The following WDPCP variants were observed in gnomAD, a reference collection of about 807,000 sequenced individuals.
The protein encoded by WDPCP is WD repeat-containing and planar cell polarity effector protein fritz homolog.
In WDPCP, 71 loss-of-function variants were observed where a neutral mutation model predicts 93.1. That is an observed-to-expected ratio of 0.76 (90% confidence interval 0.63 to 0.93). The LOEUF is 0.93. Among genes scored for constraint, WDPCP ranks in the 40% least tolerant of loss-of-function variants. The pLI, the probability that WDPCP is intolerant of heterozygous loss-of-function variation, is 0.00. For synonymous variants in WDPCP, 315 were observed against 315.0 expected (o/e 1.00, Z 0.00); for missense variants, 844 against 887.4 (o/e 0.95, Z 0.62).
At chr2:63,304,916 G>A (rs2103816226) in intron 13 of WDPCP, among the ~76,000 whole-genome samples, 1 of 152,162 alleles carries the variant, frequency 6.6e-6, no homozygotes, top group Admixed American at 6.5e-5. Flanking sequence ...GGGGAGAGCG[G>A]CATCCACCAT....
At chr2:63,226,398 C>A (rs1449095546) in intron 14 of WDPCP, among the ~76,000 whole-genome samples, 1 of 151,762 alleles carries the variant, frequency 6.6e-6, no homozygotes, top group Non-Finnish European at 1.5e-5. Flanking sequence ...TTCTATACAA[C>A]CTTAAAATAC....
chr2:63,378,421 G>T lies in WDPCP; in HGVS notation c.1713C>A (p.Ser571Arg). 6.2e-7 allele frequency: 1 copy of T among 1,613,170 alleles called. No homozygotes were observed. Among genetic ancestry groups the T allele is most frequent in the Non-Finnish European group, 8.5e-7 (1 of 1,179,436 alleles). The change falls in exon 12 of 18, where the codon AGC becomes AGA. Residue 571 changes from serine (S) to arginine (R), a missense_variant. Coordinates refer to ENST00000272321, the MANE Select transcript of WDPCP (RefSeq NM_015910.7). Reference sequence around the variant, plus strand: ...GATGGAAGAATCTCCTTGCATATTTGCTGATTTGATCTCTATATTCCAATA... The same window carrying T: ...GATGGAAGAATCTCCTTGCATATTTTCTGATTTGATCTCTATATTCCAATA... ...STILEYRDQI[S>R]KYARRFFHHL...
chr2:63,608,319 TATG>T (rs1709575584), intron 3 of WDPCP, among the ~76,000 whole-genome samples: 2 of 152,078 alleles, frequency 1.3e-5, no homozygotes, highest in Non-Finnish European at 2.9e-5. Flanking sequence ...AGCATAGTGT[TATG>T]ATGTTAGAAG....
chr2:63,275,001 C>T (rs955444229), intron 13 of WDPCP, among the ~76,000 whole-genome samples: 2 of 152,046 alleles, frequency 1.3e-5, no homozygotes, highest in African/African-American at 4.8e-5. Context: ...AAGAAAAAAA[C>T]CTATAGGCCA....
At chr2:63,495,565 A>G (rs1469825630) in intron 1 of WDPCP, among the ~76,000 whole-genome samples, 1 of 152,210 alleles carries the variant, frequency 6.6e-6, no homozygotes. Context: ...ATTTAGCTTA[A>G]TGTGTGCATT....
intron 13 of WDPCP, among the ~76,000 whole-genome samples, chr2:63,294,345 A>C (rs1228794456): frequency 6.6e-6 from 1 of 152,044 alleles, no homozygotes; most frequent in Non-Finnish European, 1.5e-5. Context: ...TCTACTAAAA[A>C]TACGCATACA....
chr2:63,753,050 A>T (rs1669907357), intron 2 of WDPCP, among the ~76,000 whole-genome samples: 1 of 152,054 alleles, frequency 6.6e-6, no homozygotes, highest in Admixed American at 6.6e-5. Context: ...TCTTTTTCAA[A>T]GTTTTGGACT....
intron 17 of WDPCP, among the ~76,000 whole-genome samples, chr2:63,138,860 CT>C (rs1314269568): frequency 6.6e-6 from 1 of 152,062 alleles, no homozygotes; most frequent in Non-Finnish European, 1.5e-5. Context: ...CCTTCCCACT[CT>C]TCCCCCCAAG....
intron 1 of WDPCP, among the ~76,000 whole-genome samples, chr2:63,813,949 T>C (rs1296058622): frequency 1.3e-5 from 2 of 152,248 alleles, no homozygotes; most frequent in East Asian, 1.9e-4. Flanking sequence ...ATCATAGATA[T>C]GTTTGCTGAT....
At chr2:63,670,838 G>T (rs1040399975) in intron 2 of WDPCP, among the ~76,000 whole-genome samples, 5 of 152,060 alleles carry the variant, frequency 3.3e-5, no homozygotes, top group African/African-American at 1.2e-4. Context: ...TTACCTTGGG[G>T]TAGTGGGAGC....
intron 1 of WDPCP, among the ~76,000 whole-genome samples, chr2:63,817,212 C>G (rs1670948702): frequency 6.6e-6 from 1 of 151,784 alleles, no homozygotes; most frequent in Non-Finnish European, 1.5e-5. Context: ...TAGGTTCAAG[C>G]AATTCTTCTG....
intron 2 of WDPCP, among the ~76,000 whole-genome samples, chr2:63,678,935 A>G (rs1469368734): frequency 6.6e-6 from 1 of 152,220 alleles, no homozygotes; most frequent in Admixed American, 6.5e-5. Flanking sequence ...TGAAACCAAC[A>G]GTTCCAATGA....
chr2:63,135,518 G>A (rs929960853), intron 17 of WDPCP, among the ~76,000 whole-genome samples: 1 of 152,038 alleles, frequency 6.6e-6, no homozygotes, highest in Admixed American at 6.6e-5. Context: ...TTTTAGGAGA[G>A]ACAGCGTTTC....
At chr2:63,695,682 T>C (rs1341418795) in intron 2 of WDPCP, among the ~76,000 whole-genome samples, 1 of 152,152 alleles carries the variant, frequency 6.6e-6, no homozygotes, top group Non-Finnish European at 1.5e-5. Flanking sequence ...CATGAGTGTA[T>C]AGTTCATTGA....
At chr2:63,790,129 C>T (rs753694732) in intron 2 of WDPCP, among the ~76,000 whole-genome samples, 5 of 152,158 alleles carry the variant, frequency 3.3e-5, no homozygotes, top group Non-Finnish European at 7.3e-5. Flanking sequence ...CATAATGGAG[C>T]TGCTTCTGAA....
At chr2:63,220,655 A>C (rs1213658169) in intron 14 of WDPCP, among the ~76,000 whole-genome samples, 1 of 152,212 alleles carries the variant, frequency 6.6e-6, no homozygotes, top group Non-Finnish European at 1.5e-5. Context: ...GTTACTATGC[A>C]GTGATGTATA....
intron 2 of WDPCP, among the ~76,000 whole-genome samples, chr2:63,773,698 G>C (rs1051194440): frequency 2.0e-5 from 3 of 152,128 alleles, no homozygotes; most frequent in African/African-American, 7.2e-5. Flanking sequence ...AAGTCTTTGA[G>C]AAATACCAGG....
chr2:63,308,299 C>T (rs1685904061), intron 13 of WDPCP, among the ~76,000 whole-genome samples: 1 of 152,126 alleles, frequency 6.6e-6, no homozygotes, highest in South Asian at 2.1e-4. Flanking sequence ...TTGGTGAGAG[C>T]ACAAATTAGT....
At chr2:63,301,347 A>G (rs545768990) in intron 13 of WDPCP, among the ~76,000 whole-genome samples, 3 of 152,266 alleles carry the variant, frequency 2.0e-5, no homozygotes, top group East Asian at 1.9e-4. Context: ...TCTGCCTCCA[A>G]TTAGAGTGGC....
Sources: gnomAD v4.1 joint callset for allele counts (sites outside exome capture counted in the v4.1 genomes callset) on GRCh38, gnomAD v4.1.1 for gene constraint, MANE v1.5 for transcripts, NCBI Gene and HGNC (gene_info 2026-07-23, HGNC 2026-07-21) for gene names.